The following LONP2 variants were observed in gnomAD, a reference collection of about 807,000 sequenced individuals.
LONP2 encodes the protein lon peptidase 2, peroxisomal, also known as lon protease homolog 2, peroxisomal.
LONP2 carries 60 observed loss-of-function variants against 85.6 expected under a neutral mutation model. The observed-to-expected ratio is 0.70, with a 90% CI of 0.57 to 0.87. The LOEUF (loss-of-function observed/expected upper bound fraction) is 0.87. Among genes scored for constraint, LONP2 ranks in the 40% least tolerant of loss-of-function variants. LONP2 has a pLI of 0.00. For synonymous variants in LONP2, 395 were observed against 389.7 expected (o/e 1.01, Z -0.16); for missense variants, 860 against 1,063.5 (o/e 0.81, Z 2.66).
chr16:48,307,074 G>T (rs752408150), intron 11 of LONP2, among the ~76,000 whole-genome samples: 18 of 152,184 alleles, frequency 1.2e-4, no homozygotes, highest in Admixed American at 5.2e-4. Context: ...GCACTGATCT[G>T]TGAACAGTTG....
chr16:48,257,612 ATATTTTTAAAGCAG>A (rs1971786306), intron 3 of LONP2, among the ~76,000 whole-genome samples: 1 of 152,232 alleles, frequency 6.6e-6, no homozygotes, highest in African/African-American at 2.4e-5. Context: ...TATTTTTAAG[ATATTTTTAAAGCAG>A]TATTTTTAAT....
chr16:48,297,156 C>T (rs1005078244), intron 9 of LONP2, among the ~76,000 whole-genome samples: 9 of 151,904 alleles, frequency 5.9e-5, no homozygotes, highest in Non-Finnish European at 8.8e-5. Flanking sequence ...TACAGGCACT[C>T]GTGACCACGC....
chr16:48,362,512 T>A lies in LONP2; in HGVS notation c.*649T>A. ...ATAAATAATGTTTACATGCCATAAG[T>A]CCTTTTAAAGTTTCATACAAAATTT... On this transcript the variant is annotated 3_prime_UTR_variant, in exon 5 of 5. Coordinates refer to the LONP2 transcript ENST00000565867. The surrounding 1 kb of genome is among the most constrained non-coding windows in gnomAD (Gnocchi z 4.2). 1 of 1,403,992 alleles carries A rather than the reference T, an allele frequency of 7.1e-7. No homozygotes were observed. The highest frequency in any genetic ancestry group is 2.1e-5 in the Admixed American group (1 of 47,112). 87.0% of individuals were successfully genotyped at this position (1,403,992 alleles called of 1,614,324 possible). A position where few individuals can be genotyped will look rare whatever the true frequency, so the allele number is the denominator to read the frequency against.
intron 11 of LONP2, among the ~76,000 whole-genome samples, chr16:48,318,125 T>C (rs1973184237): frequency 6.6e-6 from 1 of 152,048 alleles, no homozygotes; most frequent in African/African-American, 2.4e-5. Context: ...CTTGATTCTC[T>C]CGCAGGGACA....
At chr16:48,346,885 T>A (rs994367400) in intron 12 of LONP2, among the ~76,000 whole-genome samples, 2 of 152,022 alleles carry the variant, frequency 1.3e-5, no homozygotes, top group African/African-American at 4.8e-5. Context: ...GTGTGGTGGC[T>A]CACACCTGTA....
At chr16:48,282,704 C>T (rs1387419332) in intron 8 of LONP2, among the ~76,000 whole-genome samples, 2 of 152,150 alleles carry the variant, frequency 1.3e-5, no homozygotes, top group African/African-American at 4.8e-5. Flanking sequence ...AGGCATTCCC[C>T]TTTCTCTCTC....
intron 11 of LONP2, among the ~76,000 whole-genome samples, chr16:48,322,780 C>T (rs1240283925): frequency 6.6e-6 from 1 of 152,106 alleles, no homozygotes; most frequent in Non-Finnish European, 1.5e-5. Context: ...ATAACATAGT[C>T]ACTCACTATG....
chr16:48,269,930 A>G (rs1330625196), intron 6 of LONP2, 86 bp from the exon 7 acceptor site: 11 of 1,374,760 alleles, frequency 8.0e-6, no homozygotes, highest in Non-Finnish European at 1.1e-5. Flanking sequence ...TTCAAAAAAA[A>G]TATTTTGCCC....
intron 1 of LONP2, among the ~76,000 whole-genome samples, chr16:48,249,939 C>A (rs547512839): frequency 6.6e-6 from 1 of 152,270 alleles, no homozygotes; most frequent in African/African-American, 2.4e-5. Context: ...CGCCCGTAAT[C>A]CTAGCACTTT....
chr16:48,347,581 C>A lies in LONP2; in HGVS notation c.2013C>A (p.Phe671Leu). 1.2e-6 allele frequency: 2 copies of A among 1,614,242 alleles called. No individual in the cohort carries two copies. The highest frequency in any genetic ancestry group is 1.7e-6 in the Non-Finnish European group (2 of 1,180,046). Residue 671 changes from phenylalanine (F) to leucine (L), a missense_variant, in exon 13 of 15, where the codon TTC becomes TTA. Physicochemically the swap from Phe to Leu is conservative, Grantham distance 22. This residue lies in a region of LONP2 where 743 missense variants were observed against 917.3 expected (regional missense o/e 0.81). Coordinates refer to ENST00000285737, the MANE Select transcript of LONP2 (RefSeq NM_031490.5). ...CTCCCTTAGGTGGAGAAATCATGTT[C>A]GTGGAGGCGAGTCGAATGGATGGCG... The part of the protein sequence containing the change: ...AWTPLGGEIM[F>L]VEASRMDGEG...
chr16:48,290,354 C>T (rs1203363750), intron 8 of LONP2, among the ~76,000 whole-genome samples: 1 of 152,134 alleles, frequency 6.6e-6, no homozygotes, highest in Non-Finnish European at 1.5e-5. Context: ...CTCCATATGC[C>T]AAGCAAGCAG....
chr16:48,293,354 G>A (rs1309077009), intron 8 of LONP2, among the ~76,000 whole-genome samples: 3 of 152,168 alleles, frequency 2.0e-5, no homozygotes, highest in Non-Finnish European at 4.4e-5. Context: ...CGTGAGCCCG[G>A]GAGGCGGAGC....
chr16:48,360,178 G>C (rs570440711), downstream of LONP2, among the ~76,000 whole-genome samples: 1 of 152,382 alleles, frequency 6.6e-6, no homozygotes, highest in Non-Finnish European at 1.5e-5. Context: ...GTAGAGCCGA[G>C]ACTGGCACTT....
chr16:48,276,019 A>C (rs1305263316), intron 7 of LONP2, among the ~76,000 whole-genome samples: 1 of 152,158 alleles, frequency 6.6e-6, no homozygotes, highest in Non-Finnish European at 1.5e-5. Context: ...AGAGCCTTTG[A>C]GATTCTTTAA....
At chr16:48,349,703 T>C (rs554384663) in intron 14 of LONP2, among the ~76,000 whole-genome samples, 38 of 152,250 alleles carry the variant, frequency 2.5e-4, no homozygotes, top group African/African-American at 8.2e-4. Context: ...GGTCAAAGAA[T>C]TATTCAGGAA....
intron 14 of LONP2, among the ~76,000 whole-genome samples, chr16:48,349,991 G>A (rs1016259189): frequency 3.3e-5 from 5 of 152,182 alleles, no homozygotes; most frequent in South Asian, 2.1e-4. Flanking sequence ...GGCAGCTGAC[G>A]TCTGTAATCC....
At chr16:48,256,893 T>C (rs1971771590) in intron 3 of LONP2, 152 bp downstream of exon 3, 2 of 687,614 alleles carry the variant, frequency 2.9e-6, no homozygotes, top group Non-Finnish European at 4.5e-6. Flanking sequence ...TCAAATGTGA[T>C]TGTTTTATAT....
Position 48,270,136 on chromosome 16 carries a change from G to T in LONP2, c.1103G>T (p.Gly368Val). Residue 368 changes from glycine (G) to valine (V), a missense_variant, in exon 7 of 15, where the codon GGC becomes GTC. By Grantham distance (109) the Gly-to-Val change is moderately radical. This residue lies in a region of LONP2 where 743 missense variants were observed against 917.3 expected (regional missense o/e 0.81). Coordinates refer to ENST00000285737, the MANE Select transcript of LONP2 (RefSeq NM_031490.5). ...AVRQLKNNLK[G>V]PILCFVGPPG... ...AGACAGCTCAAAAATAACCTGAAGGGCCCAATCCTATGCTTTGTTGGCCCT... is the reference window on the plus strand; with the variant it reads ...AGACAGCTCAAAAATAACCTGAAGGTCCCAATCCTATGCTTTGTTGGCCCT... 1.9e-6 allele frequency: 3 copies of T among 1,613,970 alleles called. No individual in the cohort carries two copies. Among genetic ancestry groups the T allele is most frequent in the Non-Finnish European group, 2.5e-6 (3 of 1,179,976 alleles).
At chr16:48,280,462 A>G (rs561410712) in intron 8 of LONP2, among the ~76,000 whole-genome samples, 5 of 152,342 alleles carry the variant, frequency 3.3e-5, no homozygotes, top group African/African-American at 9.6e-5. Context: ...ATACTTTGTA[A>G]TGATTCAATA....
Sources: allele counts gnomAD v4.1 joint callset (sites outside exome capture counted in the v4.1 genomes callset), GRCh38; gene constraint gnomAD v4.1.1; regional missense constraint gnomAD v4.1.1; non-coding constraint Gnocchi (gnomAD v3.1); transcripts MANE v1.5; gene names NCBI Gene and HGNC (gene_info 2026-07-23, HGNC 2026-07-21).